Variants in GATD1 observed in about 807,000 individuals in gnomAD.
The protein encoded by GATD1 is glutamine amidotransferase-like class 1 domain-containing protein 1.
A neutral mutation model predicts 25.9 loss-of-function variants in GATD1; 23 were observed. The ratio of observed to expected loss-of-function variants is 0.89; its 90% CI spans 0.64 to 1.26. GATD1 has a LOEUF of 1.26. Ranked by LOEUF, GATD1 falls within the 50% of genes most tolerant of loss-of-function variation. The probability of loss-of-function intolerance (pLI) is 0.00; values close to 1 mark genes in which losing one functional copy is unlikely to be tolerated. For missense variants in GATD1, 347 were observed against 312.5 expected (o/e 1.11, Z -0.83); for synonymous variants, 177 against 134.6 (o/e 1.31, Z -2.18).
Position 767,271 on chromosome 11 carries a change from C to T in GATD1, c.*3626G>A, listed in dbSNP as rs1051788874. 2.0e-6 allele frequency: 3 copies of T among 1,536,144 alleles called. No individual in the cohort carries two copies. The highest frequency in any genetic ancestry group is 2.6e-6 in the Non-Finnish European group (3 of 1,146,900). Reference sequence around the variant, plus strand: ...TTCCTCATGGGTAGATGAACACACACTGGTATATGGGGAAATCCTCACCCG... The same window carrying T: ...TTCCTCATGGGTAGATGAACACACATTGGTATATGGGGAAATCCTCACCCG... On this transcript the variant is annotated 3_prime_UTR_variant, in exon 8 of 8. Transcript: ENST00000319863.
intron 1 of GATD1, among the ~76,000 whole-genome samples, chr11:776,084 G>C (rs1863944481): frequency 7.2e-6 from 1 of 138,734 alleles, no homozygotes; most frequent in African/African-American, 2.7e-5. Flanking sequence ...CCAGGCTCAA[G>C]CAATTCTCCT....
At chr11:772,606 C>A in intron 4 of GATD1, 85 bp from the exon 5 acceptor site, 1 of 1,310,772 alleles carries the variant, frequency 7.6e-7, no homozygotes, top group South Asian at 1.2e-5. Flanking sequence ...TTGTGGCTCC[C>A]CCAGGCTTGT....
At chr11:774,448 C>T (rs915207388) in intron 2 of GATD1, among the ~76,000 whole-genome samples, 3 of 152,278 alleles carry the variant, frequency 2.0e-5, no homozygotes, top group African/African-American at 4.8e-5. Flanking sequence ...GTGGAGAATT[C>T]CTCCCAGTGG....
At chr11:773,834 C>A (rs942857544) in intron 3 of GATD1, among the ~76,000 whole-genome samples, 174 bp downstream of exon 3, 2 of 152,182 alleles carry the variant, frequency 1.3e-5, no homozygotes, top group African/African-American at 2.4e-5. Context: ...CTCTCCTCCC[C>A]AGAGGGGCTC....
chr11:773,734 C>T, intron 3 of GATD1, 105 bp from the exon 4 acceptor site: 1 of 841,960 alleles, frequency 1.2e-6, no homozygotes, highest in Non-Finnish European at 1.9e-6. Context: ...CAGGGACCAG[C>T]CAGCCTGGTG....
chr11:775,232 C>T (rs1419521559), intron 1 of GATD1, 90 bp from the exon 2 acceptor site: 1 of 1,053,320 alleles, frequency 9.5e-7, no homozygotes, highest in Non-Finnish European at 1.4e-6. Context: ...CCTCGACTGA[C>T]CCCAGAACAC....
At chr11:773,433 G>A (rs1863642768) in intron 4 of GATD1, 89 bp downstream of exon 4, 1 of 1,114,874 alleles carries the variant, frequency 9.0e-7, no homozygotes, top group African/African-American at 1.6e-5. Context: ...CCTACCTGGA[G>A]TCTTCCCACC....
chr11:772,062 AC>A (rs1160228264), intron 5 of GATD1, among the ~76,000 whole-genome samples: 1 of 152,070 alleles, frequency 6.6e-6, no homozygotes, highest in Admixed American at 6.6e-5. Context: ...CTCCGAGGAC[AC>A]CCTGGCTGGG....
chr11:769,137 A>T lies in GATD1; in HGVS notation c.*1760T>A. ...TAAAATAAAAAGCATTTGTCCACAG[A>T]GGTCCATCACCACACGGGGATGAGA... On this transcript the variant is annotated 3_prime_UTR_variant, in exon 8 of 8. Coordinates refer to ENST00000319863, the MANE Select transcript of GATD1 (RefSeq NM_182612.4). 1.0e-6 allele frequency: 1 copy of T among 985,238 alleles called. No individual in the cohort carries two copies. The highest frequency in any genetic ancestry group is 1.2e-6 in the Non-Finnish European group (1 of 829,792). The allele number at this position is 985,238 out of a possible 1,614,324, so 61.0% of individuals were successfully genotyped here.
intron 5 of GATD1, among the ~76,000 whole-genome samples, chr11:771,759 G>A (rs1330981222): frequency 6.6e-6 from 1 of 152,178 alleles, no homozygotes; most frequent in African/African-American, 2.4e-5. Context: ...CTCTGGGCAG[G>A]AGTGAATCTA....
intron 5 of GATD1, 38 bp from the exon 6 acceptor site, chr11:771,464 G>C: frequency 6.7e-7 from 1 of 1,497,394 alleles, no homozygotes; most frequent in Non-Finnish European, 8.9e-7. Flanking sequence ...GACAGGCCCA[G>C]GCCCTGCGGC....
rs1454642018 is a variant in GATD1 at position 770,410 on chromosome 11, C to T, written c.*487G>A. Reference sequence around the variant, plus strand: ...GGAGGCTGCTGCTCCTAAAAAATTCCGTTCACCTTTGGCCAAAGTTCTGAG... The same window carrying T: ...GGAGGCTGCTGCTCCTAAAAAATTCTGTTCACCTTTGGCCAAAGTTCTGAG... On this transcript the variant is annotated 3_prime_UTR_variant, in exon 8 of 8. Coordinates refer to ENST00000319863, the MANE Select transcript of GATD1 (RefSeq NM_182612.4). 1.2e-5 allele frequency: 18 copies of T among 1,520,378 alleles called. No individual in the cohort carries two copies. Among genetic ancestry groups the T allele is most frequent in the South Asian group, 1.1e-4 (9 of 82,770 alleles). The allele number at this position is 1,520,378 out of a possible 1,614,324, so 94.2% of individuals were successfully genotyped here. A position where few individuals can be genotyped will look rare whatever the true frequency, so the allele number is the denominator to read the frequency against.
In GATD1 at chr11:772,461, C is replaced by A; in HGVS notation, c.416G>T (p.Arg139Ile). 6.2e-7 allele frequency: 1 copy of A among 1,613,418 alleles called. No homozygotes were observed. Among genetic ancestry groups the A allele is most frequent in the Non-Finnish European group, 8.5e-7 (1 of 1,179,990 alleles). ...AALCCATNED[R>I]SWVFDSYSLT... ...GCTGTAGCTGTCGAACACCCAGGAT[C>A]TGTCCTCGTTGGTGGCACAGCACAG... is the stretch of plus-strand genomic sequence containing the variant. Residue 139 changes from arginine (R) to isoleucine (I), a missense_variant, in exon 5 of 8, where the codon AGA (arginine) becomes ATA (isoleucine). Coordinates refer to ENST00000319863, the MANE Select transcript of GATD1 (RefSeq NM_182612.4).
chr11:767,257 T>G lies in GATD1; in HGVS notation c.*3640A>C, dbSNP rs770296886. 44 of 1,536,104 alleles carry G rather than the reference T, an allele frequency of 2.9e-5. No homozygotes were observed. Among genetic ancestry groups the G allele is most frequent in the Middle Eastern group, 1.7e-4 (1 of 5,990 alleles). ...GCTGCATGGTTTTATTCCTCATGGG[T>G]AGATGAACACACACTGGTATATGGG... is the stretch of plus-strand genomic sequence containing the variant. On this transcript the variant is annotated 3_prime_UTR_variant, in exon 8 of 8. Transcript: ENST00000319863.
Position 767,655 on chromosome 11 carries a change from G to A in GATD1, c.*3242C>T. On this transcript the variant is annotated 3_prime_UTR_variant, in exon 8 of 8. Coordinates refer to ENST00000319863, the MANE Select transcript of GATD1 (RefSeq NM_182612.4). ...GTCCCCCCAAAACCCACCTGCTTAA[G>A]TCCTCACCTGCAAGGGGATGGTATT... 1 of 1,262,794 alleles carries A rather than the reference G, an allele frequency of 7.9e-7. No individual in the cohort carries two copies. The highest frequency in any genetic ancestry group is 1.0e-6 in the Non-Finnish European group (1 of 999,454). The allele number at this position is 1,262,794 out of a possible 1,614,324, so 78.2% of individuals were successfully genotyped here.
At position 771,296 on chromosome 11, in the gene GATD1, A is replaced by G. The variant is rs753875812; in HGVS notation, c.544+37T>C. ...CTGCAGCAGGGAAGCCCCCCACCCC[A>G]TCTTCTGTAAGTGCAGGGGGCACCC... is the stretch of plus-strand genomic sequence containing the variant. On this transcript the variant is annotated intron_variant, in intron 6 of 7. Coordinates refer to ENST00000319863, the MANE Select transcript of GATD1 (RefSeq NM_182612.4). The G allele has an allele frequency of 6.9e-6, 11 of 1,599,850 alleles. No individual in the cohort carries two copies. In the East Asian group the frequency reaches 2.5e-4, roughly 36 times the overall value.
chr11:773,703 G>T, intron 3 of GATD1, 74 bp from the exon 4 acceptor site: 1 of 1,169,630 alleles, frequency 8.5e-7, no homozygotes, highest in Non-Finnish European at 1.2e-6. Flanking sequence ...GCCCGAGTGC[G>T]TGGCCAGGAC....
chr11:767,251 C>T lies in GATD1; in HGVS notation c.*3646G>A. On this transcript the variant is annotated 3_prime_UTR_variant, in exon 8 of 8. Coordinates refer to ENST00000319863, the MANE Select transcript of GATD1 (RefSeq NM_182612.4). ...CATGCTGCTGCATGGTTTTATTCCT[C>T]ATGGGTAGATGAACACACACTGGTA... 1 of 1,536,064 alleles carries T rather than the reference C, an allele frequency of 6.5e-7. No homozygotes were observed. The highest frequency in any genetic ancestry group is 8.7e-7 in the Non-Finnish European group (1 of 1,146,830).
Position 767,389 on chromosome 11 carries a change from C to G in GATD1, c.*3508G>C. ...AAGCCCTGCCCTGGCAAAGAGAGAACTGTGCACAGCGGGGAGGCTCTCCAA... is the reference window on the plus strand; with the variant it reads ...AAGCCCTGCCCTGGCAAAGAGAGAAGTGTGCACAGCGGGGAGGCTCTCCAA... On this transcript the variant is annotated 3_prime_UTR_variant, in exon 8 of 8. Transcript: ENST00000319863. 6.5e-7 allele frequency: 1 copy of G among 1,534,054 alleles called. No individual in the cohort carries two copies. Among genetic ancestry groups the G allele is most frequent in the Non-Finnish European group, 8.7e-7 (1 of 1,145,880 alleles).
Sources: gnomAD v4.1 joint callset for allele counts (sites outside exome capture counted in the v4.1 genomes callset) on GRCh38, gnomAD v4.1.1 for gene constraint, MANE v1.5 for transcripts, NCBI Gene and HGNC (gene_info 2026-07-23, HGNC 2026-07-21) for gene names.